SGK1: variants seen among roughly 807,000 people sequenced by gnomAD.
The protein encoded by SGK1 is serine/threonine-protein kinase Sgk1.
SGK1 carries 26 observed loss-of-function variants against 64.2 expected under a neutral mutation model. The ratio of observed to expected loss-of-function variants is 0.40; its 90% CI spans 0.30 to 0.56. The LOEUF (loss-of-function observed/expected upper bound fraction) is 0.56. Among genes scored for constraint, SGK1 ranks in the 20% least tolerant of loss-of-function variants. The pLI, the probability that SGK1 is intolerant of heterozygous loss-of-function variation, is 0.38. For missense variants in SGK1, 519 were observed against 645.6 expected (o/e 0.80, Z 2.12); for synonymous variants, 265 against 239.7 (o/e 1.11, Z -0.98).
intron 3 of SGK1, among the ~76,000 whole-genome samples, chr6:134,177,169 A>C (rs2114648323): frequency 6.6e-6 from 1 of 152,278 alleles, no homozygotes; most frequent in South Asian, 2.1e-4. Flanking sequence ...AGCCGAGATC[A>C]CGCCACTGCA....
intron 1 of SGK1, among the ~76,000 whole-genome samples, chr6:134,311,626 G>A (rs1202133478): frequency 6.6e-6 from 1 of 152,154 alleles, no homozygotes; most frequent in Non-Finnish European, 1.5e-5. Context: ...ACTCCAGCCT[G>A]GGTGACAGAG....
In SGK1 at chr6:134,174,100, C is replaced by T. The variant is rs774024443; in HGVS notation, c.438-20G>A. 1 of 1,596,838 alleles carries T rather than the reference C, an allele frequency of 6.3e-7. No individual in the cohort carries two copies. Among genetic ancestry groups the T allele is most frequent in the Admixed American group, 1.7e-5 (1 of 57,878 alleles). On this transcript the variant is annotated intron_variant, in intron 4 of 13. Coordinates refer to ENST00000367858, the MANE Select transcript of SGK1 (RefSeq NM_001143676.3). ...TCAGGGCTGCAGGGAATAAAGGGCA[C>T]GATTTAGAATCCAGCTCGCCACTAG...
intron 2 of SGK1, among the ~76,000 whole-genome samples, chr6:134,242,321 A>C (rs1562262484): frequency 1.3e-5 from 2 of 152,082 alleles, no homozygotes; most frequent in Non-Finnish European, 2.9e-5. Context: ...CCCTGTCTCT[A>C]CTAAAAAACA....
chr6:134,188,260 A>G (rs1775454291), intron 3 of SGK1, among the ~76,000 whole-genome samples: 1 of 151,650 alleles, frequency 6.6e-6, no homozygotes, highest in Non-Finnish European at 1.5e-5. Flanking sequence ...TTCACAGATC[A>G]CTTCCCCAAA....
At chr6:134,173,378 A>C in intron 6 of SGK1, 21 bp from the exon 7 acceptor site, 1 of 1,605,846 alleles carries the variant, frequency 6.2e-7, no homozygotes, top group Non-Finnish European at 8.5e-7. Flanking sequence ...AATTTAAAAA[A>C]ATCATTTTTC....
rs182263602 is a variant in SGK1, at chr6:134,256,609, C to T, written c.285+5324G>A. ...ATACGTTTAGTCAGCATACACCTCT[C>T]GAAAAACTACTTTTGGTCTCCATCT... On this transcript the variant is annotated intron_variant, in intron 2 of 13. Transcript: ENST00000367858. Among the ~76,000 whole-genome samples, 34 of 152,252 alleles carry T rather than the reference C, an allele frequency of 2.2e-4. No individual in the cohort carries two copies. In the South Asian group the frequency reaches 2.5e-3, roughly 11 times the overall value.
intron 3 of SGK1, chr6:134,175,764 C>T: frequency 7.5e-7 from 1 of 1,337,780 alleles, no homozygotes; most frequent in South Asian, 1.8e-5. Context: ...ATTTCCTGCC[C>T]CGAGTCCCAA....
chr6:134,252,456 T>C (rs1776619303), intron 2 of SGK1, among the ~76,000 whole-genome samples: 1 of 152,110 alleles, frequency 6.6e-6, no homozygotes, highest in Non-Finnish European at 1.5e-5. Context: ...TGGGAGAGTG[T>C]GCTGATTTTA....
Position 134,177,641 on chromosome 6 carries a change from A to G in SGK1, c.362-3055T>C, listed in dbSNP as rs772792955. 3.7e-6 allele frequency: 6 copies of G among 1,608,840 alleles called. 1 individual carries two copies. The South Asian group carries it at 4.4e-5, about 12-fold the overall frequency. On this transcript the variant is annotated intron_variant, in intron 3 of 13. Coordinates refer to ENST00000367858, the MANE Select transcript of SGK1 (RefSeq NM_001143676.3). ...CCAAATCCTTTGAGGCATCTGCAAA[A>G]TATAGTACGGTAAGTACGAACCTTT... is the stretch of plus-strand genomic sequence containing the variant.
At chr6:134,207,264 T>G (rs1476746996) in intron 3 of SGK1, 92 bp downstream of exon 3, 1 of 799,704 alleles carries the variant, frequency 1.3e-6, no homozygotes, top group Admixed American at 2.7e-5. Flanking sequence ...AACAAAAAAA[T>G]ATTTCCCCCC....
intron 3 of SGK1, chr6:134,175,910 G>C (rs146929936): frequency 0.027 from 32,809 of 1,215,288 alleles, 596 homozygotes; most frequent in Middle Eastern, 0.092. Flanking sequence ...GAGGGAAAAG[G>C]GGGAGGGAGA....
At chr6:134,267,870 AT>A (rs1292768987) in intron 1 of SGK1, among the ~76,000 whole-genome samples, 2 of 152,136 alleles carry the variant, frequency 1.3e-5, no homozygotes, top group Admixed American at 1.3e-4. Context: ...CTGTTGCTGA[AT>A]TTTACTGCAT....
At chr6:134,252,196 C>G (rs1776615945) in intron 2 of SGK1, among the ~76,000 whole-genome samples, 3 of 152,272 alleles carry the variant, frequency 2.0e-5, no homozygotes, top group Admixed American at 2.0e-4. Flanking sequence ...TCTTTAGATT[C>G]TTGATCCTCA....
rs780541198 is a variant in SGK1, at chr6:134,170,333, C to T, written c.1516G>A (p.Val506Ile). 20 of 1,613,998 alleles carry T rather than the reference C, an allele frequency of 1.2e-5. No individual in the cohort carries two copies. The highest frequency in any genetic ancestry group is 6.7e-5 in the African/African-American group (5 of 74,926). Reference protein sequence around the residue: ...SPDSVLVTASVKEAAEAFLGF... With the variant: ...SPDSVLVTASIKEAAEAFLGF... ...AGGAAAGCCTCGGCAGCTTCCTTGA[C>T]GCTGGCTGTGACGAGGACGCTGTCA... The change falls in exon 14 of 14, where the codon GTC (valine) becomes ATC (isoleucine). Residue 506 changes from valine (V) to isoleucine (I), a missense_variant. By Grantham distance (29) the Val-to-Ile change is conservative. Coordinates refer to ENST00000367858, the MANE Select transcript of SGK1 (RefSeq NM_001143676.3).
chr6:134,206,076 C>G (rs538095818), intron 3 of SGK1, among the ~76,000 whole-genome samples: 2 of 152,156 alleles, frequency 1.3e-5, no homozygotes, highest in East Asian at 3.9e-4. Flanking sequence ...ATTCTCCGAT[C>G]TCATAAAGTG....
At chr6:134,314,836 G>A (rs1324332281) in intron 1 of SGK1, among the ~76,000 whole-genome samples, 2 of 150,378 alleles carry the variant, frequency 1.3e-5, no homozygotes, top group African/African-American at 2.5e-5. Context: ...GTTTAATGTG[G>A]GCTATGGACA....
At chr6:134,184,683 A>C (rs2114657856) in intron 3 of SGK1, among the ~76,000 whole-genome samples, 1 of 151,824 alleles carries the variant, frequency 6.6e-6, no homozygotes, top group South Asian at 2.1e-4. Flanking sequence ...TGAGATAGGG[A>C]TATCATGTTT....
chr6:134,230,761 C>CCCAG (rs1776265209), intron 2 of SGK1, among the ~76,000 whole-genome samples: 1 of 152,170 alleles, frequency 6.6e-6, no homozygotes, highest in Admixed American at 6.5e-5. Flanking sequence ...TGCCTGTAAT[C>CCCAG]CCAGCACTTT....
At chr6:134,227,670 G>A (rs1385307144) in intron 2 of SGK1, among the ~76,000 whole-genome samples, 1 of 152,172 alleles carries the variant, frequency 6.6e-6, no homozygotes, top group Non-Finnish European at 1.5e-5. Context: ...ATCCCTATGA[G>A]GAAGGTATAA....
Sources: allele counts gnomAD v4.1 joint callset (sites outside exome capture counted in the v4.1 genomes callset), GRCh38; gene constraint gnomAD v4.1.1; transcripts MANE v1.5; gene names NCBI Gene and HGNC (gene_info 2026-07-23, HGNC 2026-07-21).